The following FXYD7 variants were observed in gnomAD, a reference collection of about 807,000 sequenced individuals.
The protein encoded by FXYD7 is FXYD domain-containing ion transport regulator 7.
FXYD7 carries 7 observed loss-of-function variants against 15.3 expected under a neutral mutation model. The observed-to-expected ratio is 0.46, with a 90% CI of 0.26 to 0.86. FXYD7 has a LOEUF of 0.86. Ranked by LOEUF, FXYD7 falls within the 40% of genes least tolerant of loss-of-function variation. The probability of loss-of-function intolerance (pLI) is 0.16; values close to 1 mark genes in which losing one functional copy is unlikely to be tolerated. For synonymous variants in FXYD7, 39 were observed against 39.3 expected (o/e 0.99, Z 0.03); for missense variants, 78 against 100.6 (o/e 0.78, Z 0.96).
Position 35,151,680 on chromosome 19 carries a change from G to A in FXYD7, c.220+7G>A, listed in dbSNP as rs755307907. ...TCTGAGCTTCCCTCTTCAGGTGAGGGTGAGAAACTGTGTGGTTCTGGGAGA... is the reference window on the plus strand; with the variant it reads ...TCTGAGCTTCCCTCTTCAGGTGAGGATGAGAAACTGTGTGGTTCTGGGAGA... On this transcript the variant is annotated splice_region_variant and intron_variant, in intron 5 of 5. Coordinates refer to ENST00000270310, the MANE Select transcript of FXYD7 (RefSeq NM_022006.2). 11 of 1,603,936 alleles carry A rather than the reference G, an allele frequency of 6.9e-6. No homozygotes were observed. The East Asian group carries it at 1.8e-4, about 26-fold the overall frequency.
intron 2 of FXYD7, chr19:35,148,935 C>T (rs765877515): frequency 1.4e-6 from 1 of 689,844 alleles, no homozygotes. Flanking sequence ...TCTGAGCCCC[C>T]TTCAGGTCTC....
At chr19:35,151,729 A>G in intron 5 of FXYD7, 56 bp downstream of exon 5, 1 of 1,327,702 alleles carries the variant, frequency 7.5e-7, no homozygotes. Flanking sequence ...CAGGGAAGGG[A>G]ACCCTCAGAA....
At chr19:35,146,482 G>A (rs2065289363) in intron 1 of FXYD7, among the ~76,000 whole-genome samples, 1 of 152,164 alleles carries the variant, frequency 6.6e-6, no homozygotes, top group Non-Finnish European at 1.5e-5. Context: ...CAGCATAAGA[G>A]CAATCTGAAG....
intron 2 of FXYD7, chr19:35,149,382 G>C (rs540184318): frequency 7.5e-6 from 2 of 264,904 alleles, no homozygotes; most frequent in African/African-American, 4.4e-5. Flanking sequence ...GTACACGACC[G>C]GCTAAGGCTC....
At chr19:35,150,965 G>A (rs1288386876) in intron 2 of FXYD7, among the ~76,000 whole-genome samples, 3 of 152,132 alleles carry the variant, frequency 2.0e-5, no homozygotes, top group Non-Finnish European at 4.4e-5. Context: ...CAGAACCAGG[G>A]CCAGGGAGGA....
intron 1 of FXYD7, among the ~76,000 whole-genome samples, chr19:35,148,037 AAGAAAGAAAGAAAG>A (rs1349978297): frequency 3.1e-5 from 2 of 63,998 alleles, no homozygotes; most frequent in Non-Finnish European, 6.0e-5. Context: ...GAAAGAAAGA[AAGAAAGAAAGAAAG>A]AAAGAAAGAA....
At chr19:35,149,066 G>C (rs1476879839) in intron 2 of FXYD7, 3 of 498,428 alleles carry the variant, frequency 6.0e-6, no homozygotes, top group Admixed American at 2.3e-5. Flanking sequence ...CTCACTAGCT[G>C]TATGGCCTTG....
intron 1 of FXYD7, among the ~76,000 whole-genome samples, chr19:35,144,082 T>C (rs1223987217): frequency 1.3e-5 from 2 of 149,876 alleles, no homozygotes; most frequent in Admixed American, 6.6e-5. Flanking sequence ...GCCTGGGAGA[T>C]AGTGGGATTG....
Position 35,143,491 on chromosome 19 carries a change from T to C in FXYD7, c.31+127T>C, listed in dbSNP as rs1352655538. Reference sequence around the variant, plus strand: ...GGGGGAGGGAGGTCCGCTCCTCCTGTGGGCGGAAGCCCCTGTAATGCGCCC... The same window carrying C: ...GGGGGAGGGAGGTCCGCTCCTCCTGCGGGCGGAAGCCCCTGTAATGCGCCC... On this transcript the variant is annotated intron_variant, in intron 1 of 5. Transcript: ENST00000270310. This position sits in a 1 kb window ranked among gnomAD's most constrained non-coding sequence, Gnocchi z 4.3. The C allele has an allele frequency of 2.8e-6, 2 of 725,890 alleles. No individual in the cohort carries two copies. Among genetic ancestry groups the C allele is most frequent in the Non-Finnish European group, 4.2e-6 (2 of 480,302 alleles). The allele number at this position is 725,890 out of a possible 1,614,324, so 45.0% of individuals were successfully genotyped here.
At position 35,151,686 on chromosome 19, in the gene FXYD7, A is replaced by G; in HGVS notation, c.220+13A>G. On this transcript the variant is annotated intron_variant, in intron 5 of 5. Coordinates refer to ENST00000270310, the MANE Select transcript of FXYD7 (RefSeq NM_022006.2). ...CTTCCCTCTTCAGGTGAGGGTGAGA[A>G]ACTGTGTGGTTCTGGGAGAGTTTTA... 1 of 1,608,320 alleles carries G rather than the reference A, an allele frequency of 6.2e-7. No individual in the cohort carries two copies. Among genetic ancestry groups the G allele is most frequent in the Non-Finnish European group, 8.5e-7 (1 of 1,174,844 alleles).
In FXYD7 at chr19:35,143,268, T is replaced by A; in HGVS notation, c.-66T>A. On this transcript the variant is annotated 5_prime_UTR_variant, in exon 1 of 6. Coordinates refer to ENST00000270310, the MANE Select transcript of FXYD7 (RefSeq NM_022006.2). This position sits in a 1 kb window ranked among gnomAD's most constrained non-coding sequence, Gnocchi z 4.3. The stretch of plus-strand genomic sequence containing the variant: ...AGCTCCCCCCCACATCGGTCCGTCC[T>A]GCTTCCAGCTGCTGCAGCGCGCCTT... 1 of 1,222,952 alleles carries A rather than the reference T, an allele frequency of 8.2e-7. No individual in the cohort carries two copies. The highest frequency in any genetic ancestry group is 1.2e-6 in the Non-Finnish European group (1 of 868,284). The allele number at this position is 1,222,952 out of a possible 1,614,324, so 75.8% of individuals were successfully genotyped here.
intron 5 of FXYD7, among the ~76,000 whole-genome samples, chr19:35,152,864 G>A (rs1451209477): frequency 2.7e-5 from 4 of 149,536 alleles, no homozygotes; most frequent in Non-Finnish European, 5.9e-5. Flanking sequence ...TGTTTTTAGT[G>A]GAAATGCAGC....
Position 35,146,350 on chromosome 19 carries a change from G to C in FXYD7, c.32-2344G>C, listed in dbSNP as rs572924577. 1.1e-4 allele frequency among the ~76,000 whole-genome samples: 16 copies of C among 152,240 alleles called. No individual in the cohort carries two copies. In the South Asian group the frequency reaches 3.1e-3, roughly 30 times the overall value. On this transcript the variant is annotated intron_variant, in intron 1 of 5. Transcript: ENST00000270310. ...GATGGGGTTTCACCATATTGGCCAG[G>C]CTGGTCTCAAACTCCTGACCTCGTG...
chr19:35,148,545 A>G, intron 1 of FXYD7, 149 bp from the exon 2 acceptor site: 1 of 639,170 alleles, frequency 1.6e-6, no homozygotes, highest in Non-Finnish European at 2.6e-6. Context: ...GCCTGCCATG[A>G]GGCCACATCA....
rs1491361697 is a variant in FXYD7, at chr19:35,153,034, T to TTTGTTTTTTTTTTG, written c.221-858_221-857insGTTTTTTTTTTGTT. Among the ~76,000 whole-genome samples, 2 of 52,286 alleles carry TTTGTTTTTTTTTTG rather than the reference T, an allele frequency of 3.8e-5. 1 individual carries two copies. The highest frequency in any genetic ancestry group is 7.1e-5 in the Non-Finnish European group (2 of 28,346). The allele number at this position is 52,286 out of a possible 152,430, so 34.3% of individuals were successfully genotyped here. A position where few individuals can be genotyped will look rare whatever the true frequency, so the allele number is the denominator to read the frequency against. ...TGGTGTGGAATTTGTTTCACGTTCC[T>TTTGTTTTTTTTTTG]TTTTTTTTTTTTTTTTTTTTTTTTT... On this transcript the variant is annotated intron_variant, in intron 5 of 5. Transcript: ENST00000270310.
intron 1 of FXYD7, among the ~76,000 whole-genome samples, chr19:35,148,109 A>G (rs1191558297): frequency 7.1e-6 from 1 of 141,248 alleles, no homozygotes; most frequent in Admixed American, 7.0e-5. Flanking sequence ...GAGAGAAAGA[A>G]AGAGGGGAGG....
chr19:35,147,778 G>A (rs1046741517), intron 1 of FXYD7, among the ~76,000 whole-genome samples: 1 of 152,080 alleles, frequency 6.6e-6, no homozygotes, highest in East Asian at 1.9e-4. Context: ...CAGATCATCG[G>A]AGGTCAGGAG....
At chr19:35,152,526 A>G (rs2065315097) in intron 5 of FXYD7, among the ~76,000 whole-genome samples, 1 of 152,206 alleles carries the variant, frequency 6.6e-6, no homozygotes, top group African/African-American at 2.4e-5. Context: ...AATAACAAAA[A>G]GAGAGATGAA....
rs368340429 is a variant in FXYD7, at chr19:35,151,336, C to A, written c.136+8C>A. 3.8e-6 allele frequency: 6 copies of A among 1,599,200 alleles called. No homozygotes were observed. The African/African-American group carries it at 6.7e-5, about 18-fold the overall frequency. On this transcript the variant is annotated splice_region_variant and intron_variant, in intron 3 of 5. Transcript: ENST00000270310. Reference sequence around the variant, plus strand: ...GTATCCTCATCGTCATCAGTAAGTGCGACCCATTCCTGGGCTGCCTCAGCC... The same window carrying A: ...GTATCCTCATCGTCATCAGTAAGTGAGACCCATTCCTGGGCTGCCTCAGCC...
Sources: allele counts gnomAD v4.1 joint callset (sites outside exome capture counted in the v4.1 genomes callset), GRCh38; gene constraint gnomAD v4.1.1; non-coding constraint Gnocchi (gnomAD v3.1); transcripts MANE v1.5; gene names NCBI Gene and HGNC (gene_info 2026-07-23, HGNC 2026-07-21).